Variants in WDR86 observed in about 807,000 individuals in gnomAD.
WDR86 encodes the protein WD repeat-containing protein 86.
In WDR86, 30 loss-of-function variants were observed where a neutral mutation model predicts 36.5. The observed-to-expected ratio is 0.82, with a 90% CI of 0.61 to 1.11. The LOEUF is 1.11. WDR86 is among the 50% of genes most tolerant of loss of function. The pLI is 0.00. For synonymous variants in WDR86, 255 were observed against 252.9 expected (o/e 1.01, Z -0.08); for missense variants, 545 against 561.2 (o/e 0.97, Z 0.29).
intron 2 of WDR86, among the ~76,000 whole-genome samples, chr7:151,398,861 C>G (rs1053061044): frequency 2.0e-5 from 3 of 152,184 alleles, no homozygotes; most frequent in African/African-American, 7.2e-5. Flanking sequence ...TGCAGGCAGG[C>G]CTTCTCCCCG....
At chr7:151,410,137 C>T (rs1274485088), upstream of WDR86, 8 of 949,226 alleles carry the variant, frequency 8.4e-6, no homozygotes, top group African/African-American at 1.8e-5. Context: ...AGCCTCCCCC[C>T]TTCGTCGCTG....
At chr7:151,400,475 G>C (rs1054439731) in intron 1 of WDR86, among the ~76,000 whole-genome samples, 5 of 152,116 alleles carry the variant, frequency 3.3e-5, no homozygotes, top group Non-Finnish European at 7.4e-5. Context: ...TCTGCCTCCC[G>C]GGTTCAAGTG....
downstream of WDR86, among the ~76,000 whole-genome samples, chr7:151,379,554 A>T (rs569539369): frequency 2.8e-4 from 42 of 152,122 alleles, no homozygotes; most frequent in Non-Finnish European, 5.3e-4. Flanking sequence ...AGACTCTCTC[A>T]CTCACCGTGT....
intron 4 of WDR86, among the ~76,000 whole-genome samples, chr7:151,383,473 CA>C (rs60998418): frequency 0.045 from 5,851 of 130,168 alleles, 291 homozygotes; most frequent in African/African-American, 0.13. Context: ...GACTCCGTCT[CA>C]AAAAAAAAAA....
rs536073627 is a variant in WDR86 at position 151,390,815 on chromosome 7, C to T, written c.726+4961G>A. On this transcript the variant is annotated intron_variant, in intron 3 of 5. Coordinates refer to ENST00000334493, the MANE Select transcript of WDR86 (RefSeq NM_198285.3). The surrounding 1 kb of genome is among the most constrained non-coding windows in gnomAD (Gnocchi z 4.5). ...GGAAAGGACAGATCCTGCACGACTC[C>T]ACTCATGTGAGGACCCAGAGTCATC... Among the ~76,000 whole-genome samples the T allele has an allele frequency of 3.6e-4, 55 of 152,230 alleles. No individual in the cohort carries two copies. Among genetic ancestry groups the T allele is most frequent in the Non-Finnish European group, 6.9e-4 (47 of 68,040 alleles).
rs2150895887 is a variant in WDR86, at chr7:151,410,038, T to C, written c.-449A>G. On this transcript the variant is annotated 5_prime_UTR_variant, in exon 1 of 6. Transcript: ENST00000334493. ...CCCGGCCGAGCGCGGAACAATACGG[T>C]CCAGCCTGGCTCCTCCTCAGAGACC... The C allele has an allele frequency of 1.8e-5, 18 of 988,376 alleles. No individual in the cohort carries two copies. The highest frequency in any genetic ancestry group is 5.2e-4 in the Middle Eastern group (1 of 1,920). The allele number at this position is 988,376 out of a possible 1,614,324, so 61.2% of individuals were successfully genotyped here. A position where few individuals can be genotyped will look rare whatever the true frequency, so the allele number is the denominator to read the frequency against.
At position 151,409,654 on chromosome 7, in the gene WDR86, G is replaced by C. The variant is rs1334597132; in HGVS notation, c.-65C>G. On this transcript the variant is annotated 5_prime_UTR_variant, in exon 1 of 6. Coordinates refer to ENST00000334493, the MANE Select transcript of WDR86 (RefSeq NM_198285.3). This position sits in a 1 kb window ranked among gnomAD's most constrained non-coding sequence, Gnocchi z 5.2. The stretch of plus-strand genomic sequence containing the variant: ...GCTAGGGAGGGGCGCCCCGGGGTCC[G>C]CGCGGCGGCTCCGTACGACTGCGGC... 6.8e-6 allele frequency: 9 copies of C among 1,318,016 alleles called. No homozygotes were observed. The highest frequency in any genetic ancestry group is 4.1e-5 in the Admixed American group (1 of 24,552). 81.6% of individuals were successfully genotyped at this position (1,318,016 alleles called of 1,614,324 possible).
intron 3 of WDR86, 69 bp downstream of exon 3, chr7:151,395,707 G>A: frequency 6.8e-7 from 1 of 1,464,024 alleles, no homozygotes; most frequent in African/African-American, 1.4e-5. Context: ...AGATACCCAG[G>A]GCAGGGCGGC....
chr7:151,402,000 G>T lies in WDR86; in HGVS notation c.164-1759C>A, dbSNP rs1180355824. Reference sequence around the variant, plus strand: ...AAGGCGGAGGCTGCAGTGAGCTGAGGTTGCACCACTGCACTCCAGCCTGGG... The same window carrying T: ...AAGGCGGAGGCTGCAGTGAGCTGAGTTTGCACCACTGCACTCCAGCCTGGG... On this transcript the variant is annotated intron_variant, in intron 1 of 5. Coordinates refer to ENST00000334493, the MANE Select transcript of WDR86 (RefSeq NM_198285.3). The surrounding 1 kb of genome is among the most constrained non-coding windows in gnomAD (Gnocchi z 4.3). 7.6e-6 allele frequency among the ~76,000 whole-genome samples: 1 copy of T among 132,022 alleles called. No homozygotes were observed. Among genetic ancestry groups the T allele is most frequent in the Non-Finnish European group, 1.5e-5 (1 of 64,848 alleles). 86.6% of individuals were successfully genotyped at this position (132,022 alleles called of 152,430 possible).
rs570986867 is a variant in WDR86 at position 151,388,261 on chromosome 7, G to A, written c.727-3038C>T. On this transcript the variant is annotated intron_variant, in intron 3 of 5. Transcript: ENST00000334493. The surrounding 1 kb of genome is among the most constrained non-coding windows in gnomAD (Gnocchi z 4.2). ...ATGTTGCTATCTGATTTCAAAACTG[G>A]GTGCATAGGTGTCTGTTTTAGTTAT... Among the ~76,000 whole-genome samples, 1 of 152,208 alleles carries A rather than the reference G, an allele frequency of 6.6e-6. No homozygotes were observed. The highest frequency in any genetic ancestry group is 1.5e-5 in the Non-Finnish European group (1 of 68,034).
downstream of WDR86, chr7:151,377,186 C>A: frequency 6.4e-7 from 1 of 1,572,010 alleles, no homozygotes; most frequent in East Asian, 2.3e-5. Flanking sequence ...AGTACCTATC[C>A]TATGTAGAAA....
intron 1 of WDR86, among the ~76,000 whole-genome samples, chr7:151,402,064 AAAAAAAAT>A (rs1800353660): frequency 1.4e-5 from 1 of 71,464 alleles, no homozygotes; most frequent in Non-Finnish European, 2.8e-5. Context: ...AAAAAAAAAA[AAAAAAAAT>A]ATATATATAT....
chr7:151,410,644 G>A (rs935724539), upstream of WDR86: 1 of 152,242 alleles, frequency 6.6e-6, no homozygotes, highest in Non-Finnish European at 1.5e-5. Flanking sequence ...ATGGACCCCG[G>A]GGTCGGCCTG....
rs923567776 is a variant in WDR86 at position 151,406,928 on chromosome 7, T to C, written c.163+2499A>G. 1.7e-4 allele frequency among the ~76,000 whole-genome samples: 26 copies of C among 151,852 alleles called. No homozygotes were observed. Among genetic ancestry groups the C allele is most frequent in the Non-Finnish European group, 4.4e-5 (3 of 67,968 alleles). On this transcript the variant is annotated intron_variant, in intron 1 of 5. Transcript: ENST00000334493. This position sits in a 1 kb window ranked among gnomAD's most constrained non-coding sequence, Gnocchi z 4.4. Reference sequence around the variant, plus strand: ...TTAAGACATTTTAATAATATTTCACTGATAGAAAAAAAAAATCCTGCAGGA... The same window carrying C: ...TTAAGACATTTTAATAATATTTCACCGATAGAAAAAAAAAATCCTGCAGGA...
At chr7:151,407,333 G>A (rs185935020) in intron 1 of WDR86, among the ~76,000 whole-genome samples, 164 of 152,384 alleles carry the variant, frequency 1.1e-3, no homozygotes, top group Non-Finnish European at 1.7e-3. Context: ...CTGGGCAGGA[G>A]GGTGGGCCCT....
chr7:151,385,149 A>G lies in WDR86; in HGVS notation c.801T>C (p.Cys267=). The G allele has an allele frequency of 6.2e-7, 1 of 1,613,076 alleles. No homozygotes were observed. The highest frequency in any genetic ancestry group is 8.5e-7 in the Non-Finnish European group (1 of 1,179,874). Reference sequence around the variant, plus strand: ...GTCTGTGGGCCGTGAACGTGCGCACACACTCCCCTGTGTCTGCCAGCCAGC... The same window carrying G: ...GTCTGTGGGCCGTGAACGTGCGCACGCACTCCCCTGTGTCTGCCAGCCAGC... ...VKCWLADTGE[C]VRTFTAHRRN... The change falls in exon 4 of 6, where the codon TGT becomes TGC. Residue 267 remains cysteine, a synonymous_variant. Transcript: ENST00000334493.
In WDR86 at chr7:151,409,935, G is replaced by T; in HGVS notation, c.-346C>A. On this transcript the variant is annotated 5_prime_UTR_variant, in exon 1 of 6. Transcript: ENST00000334493. This position sits in a 1 kb window ranked among gnomAD's most constrained non-coding sequence, Gnocchi z 5.2. Reference sequence around the variant, plus strand: ...AGGCAGCTGCGTCTCTGGTGCACAAGGAGCCCCCCGCCTCCTCTCGCGCCC... The same window carrying T: ...AGGCAGCTGCGTCTCTGGTGCACAATGAGCCCCCCGCCTCCTCTCGCGCCC... 9.4e-7 allele frequency: 1 copy of T among 1,058,650 alleles called. No homozygotes were observed. Among genetic ancestry groups the T allele is most frequent in the Non-Finnish European group, 1.1e-6 (1 of 878,074 alleles). 65.6% of individuals were successfully genotyped at this position (1,058,650 alleles called of 1,614,324 possible).
At position 151,382,340 on chromosome 7, in the gene WDR86, G is replaced by A. The variant is rs868770902; in HGVS notation, c.863-359C>T. Among the ~76,000 whole-genome samples the A allele has an allele frequency of 1.4e-4, 21 of 152,220 alleles. 1 individual carries two copies. Among genetic ancestry groups the A allele is most frequent in the South Asian group, 6.2e-4 (3 of 4,818 alleles). ...CTTCCCCCCTACCTTCCGCTGCGTC[G>A]GCAACCTTATCCTCCCGTCCTCATT... On this transcript the variant is annotated intron_variant, in intron 4 of 5. Coordinates refer to ENST00000334493, the MANE Select transcript of WDR86 (RefSeq NM_198285.3).
At chr7:151,387,269 G>A (rs1327374736) in intron 3 of WDR86, among the ~76,000 whole-genome samples, 1 of 152,096 alleles carries the variant, frequency 6.6e-6, no homozygotes, top group Non-Finnish European at 1.5e-5. Flanking sequence ...CAGGAGGCTT[G>A]CTGGGTGACC....
Sources: gnomAD v4.1 joint callset for allele counts (sites outside exome capture counted in the v4.1 genomes callset) on GRCh38, gnomAD v4.1.1 for gene constraint, Gnocchi (gnomAD v3.1) non-coding constraint, MANE v1.5 for transcripts, NCBI Gene and HGNC (gene_info 2026-07-23, HGNC 2026-07-21) for gene names.